Variants in FOXP2 observed in about 807,000 individuals in gnomAD.
The protein encoded by FOXP2 is forkhead box P2, also known as forkhead box protein P2.
FOXP2 carries 12 observed loss-of-function variants against 115.8 expected under a neutral mutation model. The observed-to-expected ratio is 0.10, with a 90% confidence interval of 0.07 to 0.17. The LOEUF is 0.17. FOXP2 is among the 10% of genes least tolerant of loss of function. The probability of loss-of-function intolerance (pLI) is 1.00; values close to 1 mark genes in which losing one functional copy is unlikely to be tolerated. For missense variants in FOXP2, 629 were observed against 843.5 expected (o/e 0.75, Z 3.15); for synonymous variants, 328 against 297.7 (o/e 1.10, Z -1.05).
chr7:114,523,776 G>C (rs929720130), intron 2 of FOXP2, among the ~76,000 whole-genome samples: 1 of 152,044 alleles, frequency 6.6e-6, no homozygotes, highest in Non-Finnish European at 1.5e-5. Flanking sequence ...CCTCGTGAGC[G>C]TTCCTTCTCA....
At chr7:114,389,808 A>G (rs10953758) in intron 2 of FOXP2, among the ~76,000 whole-genome samples, 65,326 of 151,846 alleles carry the variant, frequency 0.43, 16,077 homozygotes, top group East Asian at 0.63. Context: ...TGGATCAGCT[A>G]AGGTCAGGAG....
chr7:114,090,462 C>T (rs2129138937), intron 1 of FOXP2, among the ~76,000 whole-genome samples: 1 of 151,836 alleles, frequency 6.6e-6, no homozygotes, highest in African/African-American at 2.4e-5. Context: ...TAAAATTGGC[C>T]TAATGAGAGT....
At chr7:114,381,865 G>A (rs1339019510) in intron 2 of FOXP2, among the ~76,000 whole-genome samples, 1 of 152,096 alleles carries the variant, frequency 6.6e-6, no homozygotes, top group Non-Finnish European at 1.5e-5. Context: ...GCCTTTGGTA[G>A]GGAAAGGAGG....
chr7:114,672,309 G>A (rs1181753728), intron 16 of FOXP2, among the ~76,000 whole-genome samples: 1 of 152,200 alleles, frequency 6.6e-6, no homozygotes, highest in Non-Finnish European at 1.5e-5. Flanking sequence ...TGTTGGCCGG[G>A]TGCAATGGCT....
chr7:114,683,046 A>C (rs928560197), intron 16 of FOXP2, among the ~76,000 whole-genome samples: 10 of 152,194 alleles, frequency 6.6e-5, no homozygotes, highest in Non-Finnish European at 1.0e-4. Flanking sequence ...GCTTTATTTT[A>C]GGAAATTAGC....
At chr7:114,162,048 G>A (rs1452473964), upstream of FOXP2, among the ~76,000 whole-genome samples, 2 of 152,142 alleles carry the variant, frequency 1.3e-5, no homozygotes, top group Admixed American at 1.3e-4. Context: ...CTCCCAAAGT[G>A]CTGGGATTAC....
At chr7:114,648,048 T>C (rs547569510) in intron 8 of FOXP2, among the ~76,000 whole-genome samples, 2 of 152,218 alleles carry the variant, frequency 1.3e-5, no homozygotes, top group Admixed American at 1.3e-4. Context: ...TAAGGCTTGA[T>C]ACTATATGAA....
Position 114,449,129 on chromosome 7 carries a change from A to G in FOXP2, c.168+22450A>G, listed in dbSNP as rs188644940. 1.2e-4 allele frequency among the ~76,000 whole-genome samples: 19 copies of G among 152,176 alleles called. No homozygotes were observed. In the East Asian group the frequency reaches 1.4e-3, roughly 11 times the overall value. ...GAGTTATAATGTAGAACAATGACAC[A>G]TTTAGAACTATATATATGTGTTTGC... On this transcript the variant is annotated intron_variant, in intron 2 of 16. Transcript: ENST00000350908.
chr7:114,592,807 T>C (rs1802504810), intron 3 of FOXP2, among the ~76,000 whole-genome samples: 1 of 152,094 alleles, frequency 6.6e-6, no homozygotes, highest in Non-Finnish European at 1.5e-5. Flanking sequence ...ATCAGCTTGA[T>C]GTTTCTGTGA....
intron 1 of FOXP2, among the ~76,000 whole-genome samples, chr7:114,129,281 T>C (rs1231675755): frequency 1.3e-5 from 2 of 152,218 alleles, no homozygotes; most frequent in African/African-American, 4.8e-5. Flanking sequence ...AAGTTCTGTG[T>C]TTTAGTGAAC....
At chr7:114,521,032 A>T (rs898733869) in intron 2 of FOXP2, among the ~76,000 whole-genome samples, 7 of 152,134 alleles carry the variant, frequency 4.6e-5, no homozygotes, top group African/African-American at 1.7e-4. Flanking sequence ...GTATTAAAGA[A>T]AATTGAGCTT....
chr7:114,507,317 G>A (rs1335279637), intron 2 of FOXP2, among the ~76,000 whole-genome samples: 1 of 151,904 alleles, frequency 6.6e-6, no homozygotes, highest in East Asian at 1.9e-4. Context: ...GCAAGTAGAA[G>A]TGAAGCTATT....
chr7:114,287,853 AT>A, intron 1 of FOXP2, among the ~76,000 whole-genome samples: 1 of 152,062 alleles, frequency 6.6e-6, no homozygotes, highest in South Asian at 2.1e-4. Context: ...TAGAAAAAGC[AT>A]TTTTATGTGT....
At chr7:114,482,210 A>G (rs924281530) in intron 2 of FOXP2, among the ~76,000 whole-genome samples, 2 of 151,484 alleles carry the variant, frequency 1.3e-5, no homozygotes, top group Admixed American at 6.6e-5. Flanking sequence ...TGAGGAGAAA[A>G]TAGTTCTAAT....
At chr7:114,639,559 T>G (rs1584980471) in intron 6 of FOXP2, among the ~76,000 whole-genome samples, 1 of 131,768 alleles carries the variant, frequency 7.6e-6, no homozygotes, top group Non-Finnish European at 1.6e-5. Flanking sequence ...AGTTAAGGAA[T>G]GCTAGAAGGG....
At chr7:114,288,738 T>C (rs1306761502) in intron 2 of FOXP2, among the ~76,000 whole-genome samples, 1 of 151,866 alleles carries the variant, frequency 6.6e-6, no homozygotes, top group Non-Finnish European at 1.5e-5. Flanking sequence ...TATGTAAAAT[T>C]GGATTTTCAG....
intron 8 of FOXP2, among the ~76,000 whole-genome samples, chr7:114,651,507 A>G (rs2068080575): frequency 6.6e-6 from 1 of 152,140 alleles, no homozygotes; most frequent in East Asian, 1.9e-4. Flanking sequence ...ATCGTATAGA[A>G]ATAATAATGG....
intron 1 of FOXP2, among the ~76,000 whole-genome samples, chr7:114,167,997 A>C (rs559841865): frequency 2.7e-5 from 4 of 150,564 alleles, no homozygotes; most frequent in African/African-American, 9.7e-5. Context: ...GCATGCTGCC[A>C]TCCATGTAAG....
At chr7:114,214,096 G>A (rs903826375) in intron 1 of FOXP2, among the ~76,000 whole-genome samples, 6 of 152,140 alleles carry the variant, frequency 3.9e-5, no homozygotes, top group African/African-American at 1.4e-4. Context: ...TTTTTCTGTA[G>A]TGACCACATT....
Sources: allele counts gnomAD v4.1 joint callset (sites outside exome capture counted in the v4.1 genomes callset), GRCh38; gene constraint gnomAD v4.1.1; transcripts MANE v1.5; gene names NCBI Gene and HGNC (gene_info 2026-07-23, HGNC 2026-07-21).